The following BCAS4 variants were observed in gnomAD, a reference collection of about 807,000 sequenced individuals.
The protein encoded by BCAS4 is breast carcinoma amplified sequence 4.
BCAS4 carries 9 observed loss-of-function variants against 15.7 expected under a neutral mutation model. That is an observed-to-expected ratio of 0.57 (90% confidence interval 0.34 to 1.00). The LOEUF (loss-of-function observed/expected upper bound fraction) is 1.00. Ranked by LOEUF, BCAS4 falls within the 50% of genes least tolerant of loss-of-function variation. The pLI is 0.02. For synonymous variants in BCAS4, 101 were observed against 99.5 expected, an observed-to-expected ratio of 1.02 and a Z score of -0.09; for missense variants, 225 against 239.1, an observed-to-expected ratio of 0.94 and a Z score of 0.39.
At chr20:50,830,471 C>A in intron 3 of BCAS4, 91 bp downstream of exon 3, 1 of 1,032,156 alleles carries the variant, frequency 9.7e-7, no homozygotes, top group Non-Finnish European at 1.4e-6. Context: ...TTGAGCATGT[C>A]AGGCATTATG....
At chr20:50,811,612 A>G (rs529471520) in intron 1 of BCAS4, among the ~76,000 whole-genome samples, 1 of 152,110 alleles carries the variant, frequency 6.6e-6, no homozygotes, top group Non-Finnish European at 1.5e-5. Context: ...CGATCTCTGG[A>G]CGTTTCCTCC....
At chr20:50,840,287 A>G (rs961334477) in intron 3 of BCAS4, among the ~76,000 whole-genome samples, 3 of 152,190 alleles carry the variant, frequency 2.0e-5, no homozygotes, top group Non-Finnish European at 4.4e-5. Context: ...TTGAACAACA[A>G]GAAAAAAATG....
At chr20:50,797,706 C>T (rs1453944756) in intron 1 of BCAS4, among the ~76,000 whole-genome samples, 1 of 152,090 alleles carries the variant, frequency 6.6e-6, no homozygotes, top group African/African-American at 2.4e-5. Context: ...ACTCTTGTTG[C>T]CCAGGCTGGA....
chr20:50,860,114 C>T (rs775904331), intron 4 of BCAS4, among the ~76,000 whole-genome samples: 60 of 152,048 alleles, frequency 3.9e-4, no homozygotes, highest in African/African-American at 1.4e-3. Flanking sequence ...ATAGCCTGGG[C>T]GACAGAGTGA....
At chr20:50,807,993 C>CG (rs1355920009) in intron 1 of BCAS4, among the ~76,000 whole-genome samples, 5 of 151,294 alleles carry the variant, frequency 3.3e-5, no homozygotes, top group African/African-American at 1.2e-4. Flanking sequence ...CTGCAGGCTC[C>CG]GCCTCCTGGG....
rs537762723 is a variant in BCAS4 at position 50,834,983 on chromosome 20, T to C, written c.264+4603T>C. ...GGCGCACAGTTGGGTGCTTTTCACT[T>C]TACGGCTGTCGTAAACAATGCTGCT... On this transcript the variant is annotated intron_variant, in intron 3 of 4. Coordinates refer to ENST00000371608, the MANE Select transcript of BCAS4 (RefSeq NM_198799.4). 2.2e-4 allele frequency among the ~76,000 whole-genome samples: 34 copies of C among 152,358 alleles called. No homozygotes were observed. In the South Asian group the frequency reaches 3.7e-3, roughly 17 times the overall value.
At chr20:50,823,587 C>G (rs2088242963) in intron 2 of BCAS4, among the ~76,000 whole-genome samples, 1 of 152,098 alleles carries the variant, frequency 6.6e-6, no homozygotes, top group Admixed American at 6.5e-5. Flanking sequence ...TCTGAGAGGA[C>G]AAAGTGGGAG....
chr20:50,869,288 C>T (rs1470027295), intron 4 of BCAS4, among the ~76,000 whole-genome samples: 2 of 152,192 alleles, frequency 1.3e-5, no homozygotes, highest in Non-Finnish European at 2.9e-5. Flanking sequence ...CAGCAGGCAC[C>T]TGAGCTCCTC....
intron 3 of BCAS4, among the ~76,000 whole-genome samples, chr20:50,830,646 T>C (rs1435653997): frequency 6.6e-6 from 1 of 152,152 alleles, no homozygotes; most frequent in East Asian, 1.9e-4. Context: ...GCCCAGGAGT[T>C]TGAGACCAGC....
chr20:50,872,313 G>T (rs34495478), intron 4 of BCAS4, among the ~76,000 whole-genome samples: 7,436 of 144,634 alleles, frequency 0.051, 217 homozygotes, highest in East Asian at 0.15. Context: ...GCTCACGCCT[G>T]TAATTCCAGC....
intron 4 of BCAS4, among the ~76,000 whole-genome samples, chr20:50,862,179 C>T (rs1345200969): frequency 2.0e-5 from 3 of 151,906 alleles, no homozygotes; most frequent in Non-Finnish European, 4.4e-5. Context: ...CTTCTCTCTT[C>T]CCCACTTCCC....
chr20:50,840,653 C>A (rs2123805420), intron 3 of BCAS4: 4 of 1,612,402 alleles, frequency 2.5e-6, no homozygotes, highest in Admixed American at 1.7e-5. Context: ...TCAATCGTTT[C>A]TTTGGAAGGC....
At chr20:50,844,383 A>G (rs1461606661) in intron 4 of BCAS4, among the ~76,000 whole-genome samples, 1 of 152,170 alleles carries the variant, frequency 6.6e-6, no homozygotes, top group Non-Finnish European at 1.5e-5. Flanking sequence ...GCAATGAACC[A>G]TGATCATGCC....
intron 4 of BCAS4, among the ~76,000 whole-genome samples, chr20:50,854,961 T>C (rs1302298386): frequency 6.6e-6 from 1 of 152,150 alleles, no homozygotes; most frequent in Non-Finnish European, 1.5e-5. Flanking sequence ...GGTCAGCCCC[T>C]CCACACTGCT....
chr20:50,818,102 G>C, intron 1 of BCAS4, 109 bp from the exon 2 acceptor site: 4 of 985,412 alleles, frequency 4.1e-6, no homozygotes, highest in Non-Finnish European at 4.6e-6. Context: ...AGCAGGAACC[G>C]GGCACATAAT....
chr20:50,865,358 G>A (rs1039386197), intron 4 of BCAS4, among the ~76,000 whole-genome samples: 1 of 152,056 alleles, frequency 6.6e-6, no homozygotes, highest in Non-Finnish European at 1.5e-5. Flanking sequence ...TCAGGAGCTG[G>A]TGCCCCATGG....
intron 4 of BCAS4, among the ~76,000 whole-genome samples, chr20:50,848,778 A>G (rs2088577244): frequency 6.6e-6 from 1 of 152,204 alleles, no homozygotes; most frequent in Non-Finnish European, 1.5e-5. Flanking sequence ...CCTCCCCTGG[A>G]AATATCTAAT....
At chr20:50,806,915 A>G (rs1600847843) in intron 1 of BCAS4, among the ~76,000 whole-genome samples, 1 of 121,384 alleles carries the variant, frequency 8.2e-6, no homozygotes, top group South Asian at 2.5e-4. Flanking sequence ...TCTGTTGCCC[A>G]GGCTGGAGTG....
At chr20:50,829,750 C>G (rs1192643968) in intron 2 of BCAS4, among the ~76,000 whole-genome samples, 1 of 151,644 alleles carries the variant, frequency 6.6e-6, no homozygotes, top group African/African-American at 2.4e-5. Context: ...CTTTTGGGGC[C>G]CTTGCCAAGC....
Sources: gnomAD v4.1 joint callset for allele counts (sites outside exome capture counted in the v4.1 genomes callset) on GRCh38, gnomAD v4.1.1 for gene constraint, MANE v1.5 for transcripts, NCBI Gene and HGNC (gene_info 2026-07-23, HGNC 2026-07-21) for gene names.